Variants in CDCA7L observed in about 807,000 individuals in gnomAD.
The protein encoded by CDCA7L is cell division cycle-associated 7-like protein.
In CDCA7L, 44 loss-of-function variants were observed where a neutral mutation model predicts 57.4. That is an observed-to-expected ratio of 0.77 (90% CI 0.60 to 0.98). The LOEUF is 0.98. Ranked by LOEUF, CDCA7L falls within the 50% of genes least tolerant of loss-of-function variation. The probability of loss-of-function intolerance (pLI) is 0.00; values close to 1 mark genes in which losing one functional copy is unlikely to be tolerated. For missense variants in CDCA7L, 644 were observed against 580.6 expected (o/e 1.11, Z -1.12); for synonymous variants, 236 against 202.8 (o/e 1.16, Z -1.39).
chr7:21,942,590 T>C (rs1786373695), intron 1 of CDCA7L, among the ~76,000 whole-genome samples: 2 of 152,340 alleles, frequency 1.3e-5, no homozygotes, highest in Non-Finnish European at 2.9e-5. Flanking sequence ...CCTGGCTTAT[T>C]CTATTCCAAT....
At chr7:21,928,464 T>C (rs968455431) in intron 1 of CDCA7L, among the ~76,000 whole-genome samples, 3 of 152,010 alleles carry the variant, frequency 2.0e-5, no homozygotes, top group South Asian at 4.2e-4. Flanking sequence ...GTTTGATGAA[T>C]TGACAGAAGT....
intron 1 of CDCA7L, among the ~76,000 whole-genome samples, chr7:21,928,153 G>T (rs376248284): frequency 6.6e-6 from 1 of 151,936 alleles, no homozygotes; most frequent in Admixed American, 6.6e-5. Context: ...CTGCAACCTC[G>T]CAAACGGTCT....
chr7:21,945,864 A>C lies in CDCA7L; in HGVS notation c.-60T>G. 1.3e-6 allele frequency: 2 copies of C among 1,542,340 alleles called. No homozygotes were observed. The highest frequency in any genetic ancestry group is 2.0e-5 in the Admixed American group (1 of 50,756). ...GCGGCCACGGGAGCCCGGACTCACCACGGCCCGGCGCACCAAGAACGCCCC... is the reference window on the plus strand; with the variant it reads ...GCGGCCACGGGAGCCCGGACTCACCCCGGCCCGGCGCACCAAGAACGCCCC... On this transcript the variant is annotated 5_prime_UTR_variant, in exon 1 of 10. Transcript: ENST00000406877.
intron 1 of CDCA7L, among the ~76,000 whole-genome samples, chr7:21,923,728 G>A (rs1043316487): frequency 1.3e-5 from 2 of 152,202 alleles, no homozygotes; most frequent in East Asian, 1.9e-4. Flanking sequence ...CCAGGTATCT[G>A]AGCCTGTAAG....
At chr7:21,907,875 T>A (rs1440379135) in intron 4 of CDCA7L, among the ~76,000 whole-genome samples, 1 of 152,198 alleles carries the variant, frequency 6.6e-6, no homozygotes, top group Non-Finnish European at 1.5e-5. Context: ...TGGTCAACAG[T>A]AAGCAGCATT....
intron 1 of CDCA7L, among the ~76,000 whole-genome samples, chr7:21,931,952 T>C (rs1406162439): frequency 6.6e-6 from 1 of 152,232 alleles, no homozygotes; most frequent in Non-Finnish European, 1.5e-5. Flanking sequence ...GATAAGCAAC[T>C]TCAGCAAAGT....
chr7:21,911,716 C>G lies in CDCA7L; in HGVS notation c.204G>C (p.Glu68Asp), dbSNP rs775368336. ...TGTCCTCTATAAAAATTCTTCTTAG[C>G]TCTTCTGTGAAGTATTTGGAATGAA... ...VRFHSKYFTEELRRIFIEDTD... is the reference protein window; with the variant it reads ...VRFHSKYFTEDLRRIFIEDTD... The change falls in exon 3 of 10, where the codon GAG (glutamate) becomes GAC (aspartate). Residue 68 changes from glutamate to aspartate, a missense_variant. Coordinates refer to ENST00000406877, the MANE Select transcript of CDCA7L (RefSeq NM_018719.5). The G allele has an allele frequency of 6.2e-7, 1 of 1,613,826 alleles. No individual in the cohort carries two copies. The highest frequency in any genetic ancestry group is 1.7e-5 in the Admixed American group (1 of 59,970).
intron 7 of CDCA7L, among the ~76,000 whole-genome samples, chr7:21,904,999 A>T (rs568024126): frequency 6.6e-6 from 1 of 151,514 alleles, no homozygotes; most frequent in Non-Finnish European, 1.5e-5. Context: ...TGTGAGATCT[A>T]TTTTTTTTTA....
intron 1 of CDCA7L, among the ~76,000 whole-genome samples, chr7:21,925,248 A>G (rs1353298786): frequency 6.6e-6 from 1 of 152,198 alleles, no homozygotes; most frequent in Non-Finnish European, 1.5e-5. Context: ...AAAACAAAAG[A>G]GGCTAAAAAC....
At position 21,901,149 on chromosome 7, in the gene CDCA7L, A is replaced by G; in HGVS notation, c.*1173T>C. 6.2e-7 allele frequency: 1 copy of G among 1,613,114 alleles called. No individual in the cohort carries two copies. Among genetic ancestry groups the G allele is most frequent in the African/African-American group, 1.3e-5 (1 of 74,988 alleles). On this transcript the variant is annotated 3_prime_UTR_variant, in exon 10 of 10. Transcript: ENST00000406877. The stretch of plus-strand genomic sequence containing the variant: ...AGACCTACGAGTGCCCTGTGTATAG[A>G]ACCAAACTGAGAGGCCCCAGCTACA...
At chr7:21,941,868 T>C (rs1294439093) in intron 1 of CDCA7L, among the ~76,000 whole-genome samples, 1 of 152,244 alleles carries the variant, frequency 6.6e-6, no homozygotes, top group Non-Finnish European at 1.5e-5. Context: ...AAGGAAGTGA[T>C]AGTTTCCATT....
At chr7:21,944,147 T>C (rs1786430514) in intron 1 of CDCA7L, among the ~76,000 whole-genome samples, 1 of 151,768 alleles carries the variant, frequency 6.6e-6, no homozygotes, top group Non-Finnish European at 1.5e-5. Context: ...TCCTAGAAGG[T>C]TAGGACGCCA....
At chr7:21,937,361 G>A (rs977788762) in intron 1 of CDCA7L, among the ~76,000 whole-genome samples, 14 of 152,150 alleles carry the variant, frequency 9.2e-5, no homozygotes, top group African/African-American at 2.2e-4. Context: ...CAGACCAGGC[G>A]CAGTGGCTCA....
chr7:21,921,354 A>AC (rs1554296943), intron 1 of CDCA7L, among the ~76,000 whole-genome samples: 3 of 151,768 alleles, frequency 2.0e-5, no homozygotes, highest in South Asian at 4.2e-4. Flanking sequence ...AAAAAAAAAA[A>AC]AAAACTGTAA....
chr7:21,945,898 G>C lies in CDCA7L; in HGVS notation c.-94C>G. The C allele has an allele frequency of 7.3e-7, 1 of 1,374,032 alleles. No homozygotes were observed. The highest frequency in any genetic ancestry group is 9.8e-7 in the Non-Finnish European group (1 of 1,023,814). The allele number at this position is 1,374,032 out of a possible 1,614,324, so 85.1% of individuals were successfully genotyped here. A position where few individuals can be genotyped will look rare whatever the true frequency, so the allele number is the denominator to read the frequency against. On this transcript the variant is annotated 5_prime_UTR_variant, in exon 1 of 10. Coordinates refer to ENST00000406877, the MANE Select transcript of CDCA7L (RefSeq NM_018719.5). ...CGCACCAAGAACGCCCCGCGCCCGAGCAGCTAGCGCGCTCCGCCCGGAGCA... is the reference window on the plus strand; with the variant it reads ...CGCACCAAGAACGCCCCGCGCCCGACCAGCTAGCGCGCTCCGCCCGGAGCA...
At chr7:21,914,297 C>T (rs189402628) in intron 2 of CDCA7L, among the ~76,000 whole-genome samples, 8 of 152,196 alleles carry the variant, frequency 5.3e-5, no homozygotes, top group African/African-American at 1.7e-4. Context: ...TACATGAGGA[C>T]GAAAAGTCAG....
intron 1 of CDCA7L, among the ~76,000 whole-genome samples, chr7:21,944,449 CAA>C (rs59373889): frequency 8.1e-5 from 5 of 61,658 alleles, no homozygotes; most frequent in African/African-American, 2.7e-4. Context: ...ACTCCGTCTC[CAA>C]AAAAAAAAAA....
chr7:21,923,314 C>A (rs1318481568), intron 1 of CDCA7L, among the ~76,000 whole-genome samples: 1 of 152,026 alleles, frequency 6.6e-6, no homozygotes, highest in Non-Finnish European at 1.5e-5. Flanking sequence ...CATGGTGAGA[C>A]CCCGTCTCTA....
In CDCA7L at chr7:21,901,072, A is replaced by G. The variant is rs1415418980; in HGVS notation, c.*1250T>C. 1.2e-6 allele frequency: 2 copies of G among 1,613,820 alleles called. No individual in the cohort carries two copies. The highest frequency in any genetic ancestry group is 1.7e-6 in the Non-Finnish European group (2 of 1,179,836). ...CCGTCTCAAGGAGCTGGCATGCCCTATGCCGGTCATCTTTGCAAAAGCCAC... is the reference window on the plus strand; with the variant it reads ...CCGTCTCAAGGAGCTGGCATGCCCTGTGCCGGTCATCTTTGCAAAAGCCAC... On this transcript the variant is annotated 3_prime_UTR_variant, in exon 10 of 10. Coordinates refer to ENST00000406877, the MANE Select transcript of CDCA7L (RefSeq NM_018719.5).
Sources: allele counts gnomAD v4.1 joint callset (sites outside exome capture counted in the v4.1 genomes callset), GRCh38; gene constraint gnomAD v4.1.1; transcripts MANE v1.5; gene names NCBI Gene and HGNC (gene_info 2026-07-23, HGNC 2026-07-21).